The following RNF144B variants were observed in gnomAD, a reference collection of about 807,000 sequenced individuals.
The protein encoded by RNF144B is E3 ubiquitin-protein ligase RNF144B.
A neutral mutation model predicts 40.2 loss-of-function variants in RNF144B; 25 were observed. The observed-to-expected ratio is 0.62, with a 90% confidence interval of 0.45 to 0.87. The LOEUF (loss-of-function observed/expected upper bound fraction) is 0.87, where lower values mean the gene tolerates loss of function less well. Ranked by LOEUF, RNF144B falls within the 40% of genes least tolerant of loss-of-function variation. The probability of loss-of-function intolerance (pLI) is 0.00; values close to 1 mark genes in which losing one functional copy is unlikely to be tolerated. For missense variants in RNF144B, 365 were observed against 373.7 expected, an observed-to-expected ratio of 0.98 and a Z score of 0.19; for synonymous variants, 145 against 136.3, an observed-to-expected ratio of 1.06 and a Z score of -0.44.
chr6:18,410,850 T>TA lies in RNF144B; in HGVS notation c.165+11152dup, dbSNP rs907661872. Among the ~76,000 whole-genome samples the TA allele has an allele frequency of 2.4e-4, 37 of 152,340 alleles. No individual in the cohort carries two copies. Among genetic ancestry groups the TA allele is most frequent in the African/African-American group, 8.9e-4 (37 of 41,572 alleles). On this transcript the variant is annotated intron_variant, in intron 2 of 7. Coordinates refer to ENST00000259939, the MANE Select transcript of RNF144B (RefSeq NM_182757.4). The surrounding 1 kb of genome is among the most constrained non-coding windows in gnomAD (Gnocchi z 4.6). ...AGCAGAGCTCGGAGAACAATGTCCT[T>TA]ATCAACTTAGGATACATGTGTATGG... is the stretch of plus-strand genomic sequence containing the variant.
chr6:18,405,003 C>G lies in RNF144B; in HGVS notation c.165+5304C>G, dbSNP rs1435923546. 6.6e-6 allele frequency among the ~76,000 whole-genome samples: 1 copy of G among 152,076 alleles called. No homozygotes were observed. Among genetic ancestry groups the G allele is most frequent in the African/African-American group, 2.4e-5 (1 of 41,406 alleles). ...GGTCATGAGACCTGCCAACCTTTCC[C>G]AAAGCTTTCAAATTCTCCAGCTCCA... is the stretch of plus-strand genomic sequence containing the variant. On this transcript the variant is annotated intron_variant, in intron 2 of 7. Transcript: ENST00000259939. This position sits in a 1 kb window ranked among gnomAD's most constrained non-coding sequence, Gnocchi z 4.5.
At position 18,442,783 on chromosome 6, in the gene RNF144B, A is replaced by T. The variant is rs1455738265; in HGVS notation, c.331+3039A>T. 3.9e-5 allele frequency among the ~76,000 whole-genome samples: 6 copies of T among 152,220 alleles called. No homozygotes were observed. Among genetic ancestry groups the T allele is most frequent in the Non-Finnish European group, 7.3e-5 (5 of 68,040 alleles). ...AGCCTAGATATTTCATATGAGTGGAATCATACAATATCTGTCCTTTTGTGT... is the reference window on the plus strand; with the variant it reads ...AGCCTAGATATTTCATATGAGTGGATTCATACAATATCTGTCCTTTTGTGT... On this transcript the variant is annotated intron_variant, in intron 4 of 7. Transcript: ENST00000259939. The surrounding 1 kb of genome is among the most constrained non-coding windows in gnomAD (Gnocchi z 4.3).
intron 2 of RNF144B, among the ~76,000 whole-genome samples, chr6:18,415,637 T>A (rs914156815): frequency 6.6e-6 from 1 of 152,214 alleles, no homozygotes; most frequent in South Asian, 2.1e-4. Context: ...AACTTTTTGC[T>A]TGCTTTATCA....
rs1287272127 is a variant in RNF144B at position 18,467,031 on chromosome 6, A to T, written c.*1964A>T. ...AAACACTATCAGTGTAGTTCATGTT[A>T]GTATAATTATAGATTTACATATATT... On this transcript the variant is annotated 3_prime_UTR_variant, in exon 8 of 8. Coordinates refer to ENST00000259939, the MANE Select transcript of RNF144B (RefSeq NM_182757.4). The T allele has an allele frequency of 6.6e-6, 1 of 152,602 alleles. No individual in the cohort carries two copies. Among genetic ancestry groups the T allele is most frequent in the Non-Finnish European group, 1.5e-5 (1 of 68,026 alleles). 9.5% of individuals were successfully genotyped at this position (152,602 alleles called of 1,614,324 possible).
rs1759536557 is a variant in RNF144B at position 18,464,662 on chromosome 6, A to C, written c.772-265A>C. Among the ~76,000 whole-genome samples the C allele has an allele frequency of 6.6e-6, 1 of 152,174 alleles. No homozygotes were observed. Among genetic ancestry groups the C allele is most frequent in the Non-Finnish European group, 1.5e-5 (1 of 68,036 alleles). On this transcript the variant is annotated intron_variant, in intron 7 of 7. Transcript: ENST00000259939. This position sits in a 1 kb window ranked among gnomAD's most constrained non-coding sequence, Gnocchi z 6.1. ...TTTTTTTGCTGTGTCTTCACATGGC[A>C]TAGAGCCTAGAGAAAGAAAGCAAGC...
intron 2 of RNF144B, among the ~76,000 whole-genome samples, chr6:18,408,505 A>G (rs1431950705): frequency 6.6e-6 from 1 of 152,116 alleles, no homozygotes; most frequent in Non-Finnish European, 1.5e-5. Context: ...TCTATTTTGG[A>G]TGGAAACATG....
chr6:18,452,739 TA>T lies in RNF144B; in HGVS notation c.332-4414del, dbSNP rs574348823. Among the ~76,000 whole-genome samples, 107 of 152,296 alleles carry T rather than the reference TA, an allele frequency of 7.0e-4. 1 individual carries two copies. The East Asian group carries it at 0.019, about 28-fold the overall frequency. ...CTCAAGAGTAACTGTTATGTTTTTT[TA>T]ATATTCTTCTGCAAATGTTAAAGTA... On this transcript the variant is annotated intron_variant, in intron 4 of 7. Transcript: ENST00000259939.
chr6:18,408,637 C>T (rs1794963896), intron 2 of RNF144B, among the ~76,000 whole-genome samples: 1 of 152,124 alleles, frequency 6.6e-6, no homozygotes, highest in Admixed American at 6.5e-5. Context: ...AAAGGTCTTT[C>T]CCTTTCAGCT....
Position 18,446,847 on chromosome 6 carries a change from G to GTT in RNF144B, c.331+7104_331+7105insTT, listed in dbSNP as rs1305920100. On this transcript the variant is annotated intron_variant, in intron 4 of 7. Transcript: ENST00000259939. This position sits in a 1 kb window ranked among gnomAD's most constrained non-coding sequence, Gnocchi z 4.7. ...TTATTGGTTCTATTTTAGGGTGTGTGTGTGTGTGTGTGTGTGTGTGTGTGT... is the reference window on the plus strand; with the variant it reads ...TTATTGGTTCTATTTTAGGGTGTGTGTTTGTGTGTGTGTGTGTGTGTGTGTGT... Among the ~76,000 whole-genome samples, 2 of 63,808 alleles carry GTT rather than the reference G, an allele frequency of 3.1e-5. No individual in the cohort carries two copies. Among genetic ancestry groups the GTT allele is most frequent in the East Asian group, 7.4e-4 (2 of 2,688 alleles). 41.9% of individuals were successfully genotyped at this position (63,808 alleles called of 152,430 possible).
intron 3 of RNF144B, among the ~76,000 whole-genome samples, chr6:18,437,800 C>T (rs1758855612): frequency 6.6e-6 from 1 of 152,106 alleles, no homozygotes; most frequent in South Asian, 2.1e-4. Flanking sequence ...TGTCATTTTT[C>T]ACATTAACAT....
intron 4 of RNF144B, among the ~76,000 whole-genome samples, chr6:18,453,288 A>G (rs1052947342): frequency 2.0e-5 from 3 of 150,904 alleles, no homozygotes; most frequent in African/African-American, 7.3e-5. Context: ...ACAGGCGCCC[A>G]CCACCACATC....
intron 3 of RNF144B, among the ~76,000 whole-genome samples, chr6:18,439,003 T>G (rs1037553851): frequency 5.9e-5 from 9 of 152,198 alleles, no homozygotes; most frequent in Admixed American, 2.0e-4. Context: ...TAAAAATAAC[T>G]AATTTGAAAT....
chr6:18,414,113 CTTATAA>C lies in RNF144B; in HGVS notation c.166-13464_166-13459del, dbSNP rs1031986109. Among the ~76,000 whole-genome samples, 5 of 152,154 alleles carry C rather than the reference CTTATAA, an allele frequency of 3.3e-5. No homozygotes were observed. Among genetic ancestry groups the C allele is most frequent in the African/African-American group, 1.2e-4 (5 of 41,432 alleles). On this transcript the variant is annotated intron_variant, in intron 2 of 7. Transcript: ENST00000259939. The surrounding 1 kb of genome is among the most constrained non-coding windows in gnomAD (Gnocchi z 4.9). Reference sequence around the variant, plus strand: ...TAGTCGTGGTCTTGATGCAATGTAACTTATAATTAGAAAGATGCTGATTTTGCTGTG... The same window carrying C: ...TAGTCGTGGTCTTGATGCAATGTAACTTAGAAAGATGCTGATTTTGCTGTG...
chr6:18,431,468 C>G (rs1343605335), intron 3 of RNF144B, among the ~76,000 whole-genome samples: 1 of 152,112 alleles, frequency 6.6e-6, no homozygotes, highest in Non-Finnish European at 1.5e-5. Flanking sequence ...TGCTTTAGAT[C>G]AAGATTTTAT....
Position 18,450,593 on chromosome 6 carries a change from C to G in RNF144B, c.332-6562C>G, listed in dbSNP as rs932117267. On this transcript the variant is annotated intron_variant, in intron 4 of 7. Transcript: ENST00000259939. This position sits in a 1 kb window ranked among gnomAD's most constrained non-coding sequence, Gnocchi z 4.7. ...GGATTACAGTTGTGAGCCACCACAC[C>G]CAGCTGAGTTTCTAAGGTGTAAATA... 5.9e-5 allele frequency among the ~76,000 whole-genome samples: 9 copies of G among 152,100 alleles called. No homozygotes were observed. Among genetic ancestry groups the G allele is most frequent in the Non-Finnish European group, 1.0e-4 (7 of 68,024 alleles).
intron 3 of RNF144B, among the ~76,000 whole-genome samples, chr6:18,428,485 A>ATG (rs35585488): frequency 0.13 from 19,376 of 151,790 alleles, 1,383 homozygotes; most frequent in Admixed American, 0.19. Flanking sequence ...GGCATCTGAA[A>ATG]TCTTTTTCTT....
At chr6:18,427,520 T>C in intron 2 of RNF144B, 61 bp from the exon 3 acceptor site, 1 of 1,146,760 alleles carries the variant, frequency 8.7e-7, no homozygotes, top group Non-Finnish European at 1.3e-6. Context: ...GTGGTTCTGT[T>C]ATGTAACCTT....
chr6:18,396,256 C>T (rs1185014400), intron 1 of RNF144B: 2 of 454,018 alleles, frequency 4.4e-6, no homozygotes, highest in Non-Finnish European at 5.8e-6. Flanking sequence ...TAAGAAATAT[C>T]TAATTATAGG....
At chr6:18,411,497 A>AT (rs1197413176) in intron 2 of RNF144B, among the ~76,000 whole-genome samples, 3 of 29,784 alleles carry the variant, frequency 1.0e-4, no homozygotes, top group African/African-American at 4.2e-4. Context: ...ATATATATAT[A>AT]TTTTTTTTTT....
Sources: gnomAD v4.1 joint callset for allele counts (sites outside exome capture counted in the v4.1 genomes callset) on GRCh38, gnomAD v4.1.1 for gene constraint, Gnocchi (gnomAD v3.1) non-coding constraint, MANE v1.5 for transcripts, NCBI Gene and HGNC (gene_info 2026-07-23, HGNC 2026-07-21) for gene names.